The following DLGAP1 variants were observed in gnomAD, a reference collection of about 807,000 sequenced individuals.
DLGAP1 encodes the protein DLG associated protein 1, also known as disks large-associated protein 1.
DLGAP1 carries 11 observed loss-of-function variants against 90.8 expected under a neutral mutation model. That is an observed-to-expected ratio of 0.12 (90% CI 0.08 to 0.20). DLGAP1 has a LOEUF of 0.20. Among genes scored for constraint, DLGAP1 ranks in the 10% least tolerant of loss-of-function variants. DLGAP1 has a pLI of 1.00. For missense variants in DLGAP1, 1,050 were observed against 1,333.8 expected (o/e 0.79, Z 3.31); for synonymous variants, 558 against 540.7 (o/e 1.03, Z -0.44).
rs1339452503 is a variant in DLGAP1, at chr18:3,762,724, T to C, written c.1173-20212A>G. 2.0e-5 allele frequency among the ~76,000 whole-genome samples: 3 copies of C among 152,322 alleles called. No homozygotes were observed. The East Asian group carries it at 5.8e-4, about 29-fold the overall frequency. ...ATCTCTTCTATGTAATCGCCTTCAA[T>C]GGTTCTGAACACAGCAATCATGTAT... On this transcript the variant is annotated intron_variant, in intron 5 of 12. Coordinates refer to ENST00000315677, the MANE Select transcript of DLGAP1 (RefSeq NM_004746.4).
chr18:3,780,078 G>A (rs1027745726), intron 5 of DLGAP1, among the ~76,000 whole-genome samples: 4 of 152,068 alleles, frequency 2.6e-5, no homozygotes, highest in Middle Eastern at 3.4e-3. Flanking sequence ...ATGAGCCACC[G>A]CTCCCGGCCT....
chr18:3,693,183 A>G (rs1387157453), intron 7 of DLGAP1, among the ~76,000 whole-genome samples: 1 of 152,200 alleles, frequency 6.6e-6, no homozygotes, highest in Non-Finnish European at 1.5e-5. Flanking sequence ...CCTGGGCTCC[A>G]GCGATCCTCC....
intron 1 of DLGAP1, among the ~76,000 whole-genome samples, chr18:4,274,042 T>C (rs896386716): frequency 3.3e-5 from 5 of 151,978 alleles, no homozygotes; most frequent in African/African-American, 1.2e-4. Flanking sequence ...TTATTATTTG[T>C]TTTCTTCTCT....
intron 5 of DLGAP1, among the ~76,000 whole-genome samples, chr18:3,813,432 G>A (rs2066940100): frequency 6.6e-6 from 1 of 152,110 alleles, no homozygotes; most frequent in African/African-American, 2.4e-5. Context: ...CAGTGAAATC[G>A]CTTAATGATG....
chr18:3,684,356 ATTTTTTT>A (rs71160911), intron 7 of DLGAP1, among the ~76,000 whole-genome samples: 6 of 109,268 alleles, frequency 5.5e-5, no homozygotes, highest in South Asian at 6.0e-4. Flanking sequence ...TGCCTGGCTA[ATTTTTTT>A]TTTTTTTTTT....
intron 2 of DLGAP1, among the ~76,000 whole-genome samples, chr18:4,117,350 T>C (rs747817499): frequency 2.6e-5 from 4 of 152,248 alleles, no homozygotes; most frequent in South Asian, 2.1e-4. Flanking sequence ...TGTCTTGTAA[T>C]TGTTTCATTG....
chr18:3,502,358 C>A (rs939073495), intron 12 of DLGAP1, 135 bp downstream of exon 12: 1 of 1,448,592 alleles, frequency 6.9e-7, no homozygotes, highest in African/African-American at 1.4e-5. Context: ...TAAACATTGT[C>A]ATTACAATGA....
At chr18:3,627,187 G>A (rs569641125) in intron 7 of DLGAP1, among the ~76,000 whole-genome samples, 17 of 152,012 alleles carry the variant, frequency 1.1e-4, no homozygotes, top group African/African-American at 4.1e-4. Context: ...TGATCTTCCC[G>A]CCTTGGCCTC....
intron 1 of DLGAP1, among the ~76,000 whole-genome samples, chr18:4,316,432 T>A (rs2080528646): frequency 6.6e-6 from 1 of 152,082 alleles, no homozygotes; most frequent in Admixed American, 6.6e-5. Flanking sequence ...TCAGGCAGGG[T>A]CGGGTGGCAC....
chr18:3,977,612 T>A, intron 3 of DLGAP1: 1 of 217,648 alleles, frequency 4.6e-6, no homozygotes, highest in Non-Finnish European at 9.1e-6. Flanking sequence ...CTTCCTCTTG[T>A]GCTCTCGCTG....
intron 3 of DLGAP1, among the ~76,000 whole-genome samples, chr18:3,970,580 ATCT>A (rs1411006493): frequency 1.3e-5 from 2 of 152,216 alleles, no homozygotes; most frequent in Non-Finnish European, 2.9e-5. Flanking sequence ...CAAGAAGTAC[ATCT>A]TCTAGAAAAT....
intron 1 of DLGAP1, among the ~76,000 whole-genome samples, chr18:4,240,560 A>G (rs1257317706): frequency 6.6e-6 from 1 of 152,192 alleles, no homozygotes; most frequent in Non-Finnish European, 1.5e-5. Context: ...TGAAAATGTC[A>G]AAAAAGAGAT....
At chr18:3,897,955 C>G (rs1056824874) in intron 3 of DLGAP1, among the ~76,000 whole-genome samples, 1 of 151,010 alleles carries the variant, frequency 6.6e-6, no homozygotes, top group Admixed American at 6.6e-5. Context: ...CCACCGCGCC[C>G]GGCTAATTTT....
chr18:3,599,557 G>A (rs759300435), intron 7 of DLGAP1, among the ~76,000 whole-genome samples: 1 of 152,204 alleles, frequency 6.6e-6, no homozygotes, highest in Non-Finnish European at 1.5e-5. Flanking sequence ...GCAATGGAGT[G>A]GTGACAGGCG....
rs1441113178 is a variant in DLGAP1, at chr18:3,642,756, A to AAG, written c.1592-60510_1592-60509dup. Among the ~76,000 whole-genome samples the AAG allele has an allele frequency of 3.0e-4, 46 of 152,234 alleles. 1 individual carries two copies. Among genetic ancestry groups the AAG allele is most frequent in the Non-Finnish European group, 6.0e-4 (41 of 68,038 alleles). On this transcript the variant is annotated intron_variant, in intron 7 of 12. Coordinates refer to ENST00000315677, the MANE Select transcript of DLGAP1 (RefSeq NM_004746.4). ...AACAAATGTTAGCTCTTTGTATCAT[A>AAG]AGCCTTCATATCTTCTTGATAAGAT...
At chr18:3,716,033 T>C (rs1034949341) in intron 7 of DLGAP1, among the ~76,000 whole-genome samples, 2 of 152,206 alleles carry the variant, frequency 1.3e-5, no homozygotes, top group East Asian at 1.9e-4. Flanking sequence ...AAAAGAATTC[T>C]TTACTAGAAG....
chr18:4,215,420 A>G (rs540903602), intron 1 of DLGAP1, among the ~76,000 whole-genome samples: 1 of 152,302 alleles, frequency 6.6e-6, no homozygotes, highest in East Asian at 1.9e-4. Flanking sequence ...TTAACAAATA[A>G]CTAAGGGGAC....
At chr18:4,262,178 C>G (rs2079016964) in intron 1 of DLGAP1, among the ~76,000 whole-genome samples, 1 of 152,114 alleles carries the variant, frequency 6.6e-6, no homozygotes. Context: ...TAATTAAAAC[C>G]AAAGCTATTC....
intron 7 of DLGAP1, among the ~76,000 whole-genome samples, chr18:3,630,481 C>G (rs1054576344): frequency 6.6e-6 from 1 of 152,090 alleles, no homozygotes; most frequent in African/African-American, 2.4e-5. Flanking sequence ...ACTGTGTGCC[C>G]CAATTCCCTA....
Sources: gnomAD v4.1 joint callset for allele counts (sites outside exome capture counted in the v4.1 genomes callset) on GRCh38, gnomAD v4.1.1 for gene constraint, MANE v1.5 for transcripts, NCBI Gene and HGNC (gene_info 2026-07-23, HGNC 2026-07-21) for gene names.